L3MBTL4: variants seen among roughly 807,000 people sequenced by gnomAD.
The protein encoded by L3MBTL4 is L3MBTL histone methyl-lysine binding protein 4, also known as lethal(3)malignant brain tumor-like protein 4.
A neutral mutation model predicts 84.5 loss-of-function variants in L3MBTL4; 70 were observed. The ratio of observed to expected loss-of-function variants is 0.83; its 90% CI spans 0.68 to 1.01. L3MBTL4 has a LOEUF of 1.01. Among genes scored for constraint, L3MBTL4 ranks in the 50% least tolerant of loss-of-function variants. L3MBTL4 has a pLI of 0.00. For synonymous variants in L3MBTL4, 274 were observed against 259.8 expected (o/e 1.05, Z -0.52); for missense variants, 715 against 754.8 (o/e 0.95, Z 0.62).
At chr18:6,305,875 C>T (rs981048504) in intron 3 of L3MBTL4, among the ~76,000 whole-genome samples, 2 of 152,112 alleles carry the variant, frequency 1.3e-5, no homozygotes, top group Admixed American at 1.3e-4. Context: ...CTATGAATTC[C>T]AATCAAGGGA....
intron 1 of L3MBTL4, among the ~76,000 whole-genome samples, chr18:6,343,256 T>C (rs1486091108): frequency 6.6e-6 from 1 of 152,142 alleles, no homozygotes; most frequent in Non-Finnish European, 1.5e-5. Context: ...AACAGATATA[T>C]AGAGAACATT....
intron 16 of L3MBTL4, among the ~76,000 whole-genome samples, chr18:6,075,087 T>C (rs1160486613): frequency 2.0e-5 from 3 of 152,130 alleles, no homozygotes; most frequent in African/African-American, 2.4e-5. Flanking sequence ...TGTTCATGAA[T>C]TGGAAGATGC....
Position 5,998,391 on chromosome 18 carries a change from G to A in L3MBTL4, c.1445-28829C>T, listed in dbSNP as rs532710292. Among the ~76,000 whole-genome samples, 468 of 152,300 alleles carry A rather than the reference G, an allele frequency of 3.1e-3. 1 individual carries two copies. Among genetic ancestry groups the A allele is most frequent in the African/African-American group, 0.011 (449 of 41,558 alleles). On this transcript the variant is annotated intron_variant, in intron 16 of 18. Coordinates refer to ENST00000317931, the MANE Select transcript of L3MBTL4 (RefSeq NM_001330559.2). Reference sequence around the variant, plus strand: ...AACAAGGCTATAAAGGAGAGGCCTGGTGGAAGAAGCCTGGTCTGTTAGCCT... The same window carrying A: ...AACAAGGCTATAAAGGAGAGGCCTGATGGAAGAAGCCTGGTCTGTTAGCCT...
intron 4 of L3MBTL4, among the ~76,000 whole-genome samples, chr18:6,265,058 A>T (rs556783244): frequency 1.3e-5 from 2 of 152,376 alleles, no homozygotes; most frequent in South Asian, 4.1e-4. Flanking sequence ...TATACTACTA[A>T]GTAGGAAAAA....
chr18:5,978,135 C>T (rs892536368), intron 16 of L3MBTL4, among the ~76,000 whole-genome samples: 2 of 152,204 alleles, frequency 1.3e-5, no homozygotes, highest in Admixed American at 6.5e-5. Context: ...ACTTATTCTG[C>T]ACCAGTGAAA....
intron 5 of L3MBTL4, chr18:6,260,546 A>G (rs1014394235): frequency 6.6e-5 from 10 of 152,212 alleles, no homozygotes; most frequent in African/African-American, 2.4e-4. Context: ...GTGTGTGCCT[A>G]TTGTAATTGG....
chr18:6,127,770 T>C (rs766484986), intron 14 of L3MBTL4, among the ~76,000 whole-genome samples: 33 of 152,034 alleles, frequency 2.2e-4, no homozygotes, highest in Admixed American at 6.6e-4. Flanking sequence ...GGAAGTAACT[T>C]TCTTACTCAA....
In L3MBTL4 at chr18:6,178,794, C is replaced by T. The variant is rs181803359; in HGVS notation, c.982-6852G>A. Among the ~76,000 whole-genome samples the T allele has an allele frequency of 8.7e-4, 133 of 152,276 alleles. No individual in the cohort carries two copies. The South Asian group carries it at 0.013, about 15-fold the overall frequency. On this transcript the variant is annotated intron_variant, in intron 12 of 18. Transcript: ENST00000317931. Reference sequence around the variant, plus strand: ...TAAAAACAACAACAACAAGGAAAAACTCCTTGGCATAAATCCCACACTTCC... The same window carrying T: ...TAAAAACAACAACAACAAGGAAAAATTCCTTGGCATAAATCCCACACTTCC...
At chr18:6,380,789 T>C (rs1188674899) in intron 1 of L3MBTL4, among the ~76,000 whole-genome samples, 1 of 152,348 alleles carries the variant, frequency 6.6e-6, no homozygotes, top group Middle Eastern at 3.4e-3. Context: ...ATAATGTATA[T>C]TCTGTTGATT....
chr18:6,277,170 G>A (rs1035138609), intron 4 of L3MBTL4, among the ~76,000 whole-genome samples: 1 of 149,710 alleles, frequency 6.7e-6, no homozygotes, highest in Non-Finnish European at 1.5e-5. Context: ...ATAGTATTGG[G>A]AGATATACCT....
At chr18:5,965,745 T>C (rs2052321982) in intron 17 of L3MBTL4, among the ~76,000 whole-genome samples, 1 of 152,158 alleles carries the variant, frequency 6.6e-6, no homozygotes, top group Non-Finnish European at 1.5e-5. Context: ...CTGGGAAATG[T>C]GCTGTAGTGT....
At chr18:6,369,593 A>G (rs2054075403) in intron 1 of L3MBTL4, among the ~76,000 whole-genome samples, 1 of 152,196 alleles carries the variant, frequency 6.6e-6, no homozygotes, top group African/African-American at 2.4e-5. Context: ...GCAATTTCTC[A>G]TGAGGAATAA....
At chr18:6,238,132 C>T (rs867184635) in intron 9 of L3MBTL4, 92 bp from the exon 10 acceptor site, 1 of 1,109,816 alleles carries the variant, frequency 9.0e-7, no homozygotes, top group Non-Finnish European at 1.4e-6. Flanking sequence ...TCAACAGATA[C>T]CACAGAAAAC....
At chr18:6,362,545 C>A (rs1317139416) in intron 1 of L3MBTL4, among the ~76,000 whole-genome samples, 1 of 152,172 alleles carries the variant, frequency 6.6e-6, no homozygotes, top group Non-Finnish European at 1.5e-5. Flanking sequence ...TCTACCACAT[C>A]CCTGTGAAGT....
At position 6,146,824 on chromosome 18, in the gene L3MBTL4, G is replaced by A. The variant is rs143970026; in HGVS notation, c.1097-8528C>T. 2.7e-3 allele frequency among the ~76,000 whole-genome samples: 407 copies of A among 152,228 alleles called. 4 individuals carry two copies. The highest frequency in any genetic ancestry group is 0.018 in the East Asian group (92 of 5,176). On this transcript the variant is annotated intron_variant, in intron 13 of 18. Transcript: ENST00000317931. Reference sequence around the variant, plus strand: ...TGGGAAAAAGTCATTGAGTGAGGACGGGGTGATAGGCCAGTATCCCAGTGA... The same window carrying A: ...TGGGAAAAAGTCATTGAGTGAGGACAGGGTGATAGGCCAGTATCCCAGTGA...
At chr18:6,148,350 G>C (rs772925061) in intron 13 of L3MBTL4, among the ~76,000 whole-genome samples, 1 of 152,144 alleles carries the variant, frequency 6.6e-6, no homozygotes, top group East Asian at 1.9e-4. Context: ...CAAAAATCAG[G>C]AGAATGACCT....
At chr18:6,356,796 T>A (rs1424844292) in intron 1 of L3MBTL4, 1 of 152,218 alleles carries the variant, frequency 6.6e-6, no homozygotes, top group Non-Finnish European at 1.5e-5. Flanking sequence ...TTATGAACAC[T>A]GTATACTTAA....
chr18:6,324,030 C>T (rs1375347584), intron 1 of L3MBTL4, among the ~76,000 whole-genome samples: 1 of 152,258 alleles, frequency 6.6e-6, no homozygotes. Context: ...GCATCCCAGC[C>T]ACTCCAGCTC....
intron 12 of L3MBTL4, among the ~76,000 whole-genome samples, chr18:6,173,661 C>A (rs1324195926): frequency 1.3e-5 from 2 of 152,128 alleles, no homozygotes; most frequent in South Asian, 4.2e-4. Context: ...CACCTGTGGT[C>A]CCAGCTACTC....
Sources: allele counts gnomAD v4.1 joint callset (sites outside exome capture counted in the v4.1 genomes callset), GRCh38; gene constraint gnomAD v4.1.1; transcripts MANE v1.5; gene names NCBI Gene and HGNC (gene_info 2026-07-23, HGNC 2026-07-21).